OOSP2: variants seen among roughly 807,000 people sequenced by gnomAD.
The protein encoded by OOSP2 is oocyte secreted protein 2.
Under a neutral mutation model 13.4 loss-of-function variants are expected in OOSP2, and 7 were observed. That is an observed-to-expected ratio of 0.52 (90% CI 0.30 to 0.98). The LOEUF (loss-of-function observed/expected upper bound fraction) is 0.98, where lower values mean the gene tolerates loss of function less well. OOSP2 is among the 50% of genes least tolerant of loss of function. OOSP2 has a pLI of 0.07. For missense variants in OOSP2, 184 were observed against 188.5 expected (o/e 0.98, Z 0.14); for synonymous variants, 75 against 67.2 (o/e 1.12, Z -0.57).
chr11:60,046,161 G>A (rs1303701109), intron 3 of OOSP2, among the ~76,000 whole-genome samples: 1 of 149,136 alleles, frequency 6.7e-6, no homozygotes, highest in Non-Finnish European at 1.5e-5. Context: ...TGGTCTCTCT[G>A]TCTCTCGCTC....
At position 60,047,117 on chromosome 11, in the gene OOSP2, G is replaced by A; in HGVS notation, c.*44G>A. 6.5e-7 allele frequency: 1 copy of A among 1,535,542 alleles called. No homozygotes were observed. The highest frequency in any genetic ancestry group is 8.8e-7 in the Non-Finnish European group (1 of 1,133,988). The stretch of plus-strand genomic sequence containing the variant: ...ACTTGAAGCTGGTGTTATGTATTTT[G>A]CAGGAAAACAGTTTCATTTTTTCAT... On this transcript the variant is annotated 3_prime_UTR_variant, in exon 4 of 4. Transcript: ENST00000278855.
intron 1 of OOSP2, 136 bp downstream of exon 1, chr11:60,040,659 T>C (rs1263117202): frequency 1.6e-6 from 1 of 619,654 alleles, no homozygotes. Flanking sequence ...TCAGGCCAAG[T>C]AGACTTGTGT....
In OOSP2 at chr11:60,047,627, TAAATTC is replaced by T. The variant is rs1855024009; in HGVS notation, c.*557_*562del. ...CAACCTATTTAGATTATTCCAGAAT[TAAATTC>T]AATTTATTTTCTAGAGCTCAAGTAA... On this transcript the variant is annotated 3_prime_UTR_variant, in exon 4 of 4. Transcript: ENST00000278855. 2 of 152,174 alleles carry T rather than the reference TAAATTC, an allele frequency of 1.3e-5. No homozygotes were observed. The highest frequency in any genetic ancestry group is 4.8e-5 in the African/African-American group (2 of 41,452). The allele number at this position is 152,174 out of a possible 1,614,324, so 9.4% of individuals were successfully genotyped here. A position where few individuals can be genotyped will look rare whatever the true frequency, so the allele number is the denominator to read the frequency against.
In OOSP2 at chr11:60,044,687, C is replaced by T. The variant is rs1326926759; in HGVS notation, c.260C>T (p.Thr87Ile). ...CTCTCCTAGGTAGTTTCTGAGGAAA[C>T]TCTCCTTTTTCAAACCGAGCTGTAC... Reference protein sequence around the residue: ...GIRTRVVSEETLLFQTELYFT... With the variant: ...GIRTRVVSEEILLFQTELYFT... Residue 87 changes from threonine (T) to isoleucine (I), a missense_variant, in exon 3 of 4, where the codon ACT (threonine) becomes ATT (isoleucine). Physicochemically the swap from Thr to Ile is moderately conservative, Grantham distance 89 (BLOSUM62 -1). Transcript: ENST00000278855. 2.5e-6 allele frequency: 4 copies of T among 1,573,750 alleles called. No individual in the cohort carries two copies. Among genetic ancestry groups the T allele is most frequent in the Admixed American group, 1.7e-5 (1 of 59,534 alleles).
At chr11:60,041,729 T>A (rs1854929811) in intron 1 of OOSP2, among the ~76,000 whole-genome samples, 1 of 150,552 alleles carries the variant, frequency 6.6e-6, no homozygotes. Context: ...TGGGCGCCTG[T>A]AATCCCAGCT....
At chr11:60,046,631 C>A in intron 3 of OOSP2, 2 of 487,068 alleles carry the variant, frequency 4.1e-6, no homozygotes, top group Non-Finnish European at 8.1e-6. Context: ...ATCCATTTGG[C>A]TGAGTCTGTT....
chr11:60,043,465 A>G lies in OOSP2; in HGVS notation c.65-4A>G. The stretch of plus-strand genomic sequence containing the variant: ...TGATGCTTTTCATATGGTTCTTTCC[A>G]CAGTGAAAATAAGTTGCTCTCTGGA... On this transcript the variant is annotated splice_polypyrimidine_tract_variant and splice_region_variant and intron_variant, in intron 1 of 3. Transcript: ENST00000278855. The G allele has an allele frequency of 1.2e-6, 2 of 1,604,432 alleles. No individual in the cohort carries two copies. Among genetic ancestry groups the G allele is most frequent in the Non-Finnish European group, 8.5e-7 (1 of 1,171,638 alleles).
At chr11:60,042,035 C>A (rs1401766879) in intron 1 of OOSP2, among the ~76,000 whole-genome samples, 1 of 151,918 alleles carries the variant, frequency 6.6e-6, no homozygotes. Context: ...AGGAGAATGG[C>A]ATGAACCTGG....
intron 3 of OOSP2, chr11:60,046,697 T>C: frequency 1.7e-6 from 1 of 603,186 alleles, no homozygotes; most frequent in Non-Finnish European, 3.1e-6. Flanking sequence ...TCTAAGACCA[T>C]TCGTCTTTCT....
rs908264276 is a variant in OOSP2, at chr11:60,046,193, G to GTC, written c.348-735_348-734dup. Among the ~76,000 whole-genome samples, 113 of 143,804 alleles carry GTC rather than the reference G, an allele frequency of 7.9e-4. 1 individual carries two copies. The highest frequency in any genetic ancestry group is 1.5e-3 in the Admixed American group (20 of 13,448). The allele number at this position is 143,804 out of a possible 152,430, so 94.3% of individuals were successfully genotyped here. On this transcript the variant is annotated intron_variant, in intron 3 of 3. Transcript: ENST00000278855. Reference sequence around the variant, plus strand: ...GCTCTGCCTCTCTCTCGGTTTCTCTGTCTCTCTCTCTCTCTCTGTCTCTCT... The same window carrying GTC: ...GCTCTGCCTCTCTCTCGGTTTCTCTGTCTCTCTCTCTCTCTCTCTGTCTCTCT...
At position 60,045,366 on chromosome 11, in the gene OOSP2, C is replaced by CT. The variant is rs568222357; in HGVS notation, c.347+605dup. Among the ~76,000 whole-genome samples, 932 of 142,730 alleles carry CT rather than the reference C, an allele frequency of 6.5e-3. 4 individuals are homozygous for CT. The highest frequency in any genetic ancestry group is 0.016 in the South Asian group (71 of 4,454). The allele number at this position is 142,730 out of a possible 152,430, so 93.6% of individuals were successfully genotyped here. On this transcript the variant is annotated intron_variant, in intron 3 of 3. Transcript: ENST00000278855. ...CTAAGTGGAAAGGTATCCTGATACA[C>CT]TTTTTTTTTTTTTGCCATGCCATTG...
At chr11:60,042,539 T>C (rs909495564) in intron 1 of OOSP2, among the ~76,000 whole-genome samples, 2 of 152,300 alleles carry the variant, frequency 1.3e-5, no homozygotes, top group Admixed American at 1.3e-4. Flanking sequence ...ACTCAGTTCC[T>C]CCAAATGAAT....
rs1301985065 is a variant in OOSP2, at chr11:60,047,278, A to T, written c.*205A>T. On this transcript the variant is annotated 3_prime_UTR_variant, in exon 4 of 4. Coordinates refer to ENST00000278855, the MANE Select transcript of OOSP2 (RefSeq NM_173801.5). Reference sequence around the variant, plus strand: ...GTATTCAGTAGGGGTATGGCTGATTAATTTAACATTAACTATTAGGTAATT... The same window carrying T: ...GTATTCAGTAGGGGTATGGCTGATTTATTTAACATTAACTATTAGGTAATT... 2.4e-6 allele frequency: 1 copy of T among 424,136 alleles called. No homozygotes were observed. Among genetic ancestry groups the T allele is most frequent in the Admixed American group, 4.0e-5 (1 of 24,962 alleles). The allele number at this position is 424,136 out of a possible 1,614,324, so 26.3% of individuals were successfully genotyped here. A position where few individuals can be genotyped will look rare whatever the true frequency, so the allele number is the denominator to read the frequency against.
At chr11:60,043,029 C>G (rs1264563694) in intron 1 of OOSP2, among the ~76,000 whole-genome samples, 1 of 151,988 alleles carries the variant, frequency 6.6e-6, no homozygotes, top group African/African-American at 2.4e-5. Flanking sequence ...CTCAGCCTCC[C>G]GAGTAGCTGG....
At chr11:60,042,956 G>C (rs893805988) in intron 1 of OOSP2, among the ~76,000 whole-genome samples, 1 of 151,514 alleles carries the variant, frequency 6.6e-6, no homozygotes, top group African/African-American at 2.4e-5. Flanking sequence ...CCAGGCTGGA[G>C]TGCAGTGGCG....
At chr11:60,040,579 T>C in intron 1 of OOSP2, 56 bp downstream of exon 1, 1 of 983,436 alleles carries the variant, frequency 1.0e-6, no homozygotes, top group Non-Finnish European at 1.6e-6. Context: ...TAATGATCGC[T>C]TTCCATGCAG....
At chr11:60,043,151 G>A (rs767791373) in intron 1 of OOSP2, among the ~76,000 whole-genome samples, 24 of 152,052 alleles carry the variant, frequency 1.6e-4, no homozygotes, top group East Asian at 3.9e-4. Context: ...TAATGCGCCC[G>A]CCTCGGCCTC....
intron 1 of OOSP2, 61 bp from the exon 2 acceptor site, chr11:60,043,408 C>G: frequency 8.9e-7 from 1 of 1,123,452 alleles, no homozygotes; most frequent in South Asian, 1.5e-5. Flanking sequence ...GTTGACTATT[C>G]TTTGAACACT....
rs1054221762 is a variant in OOSP2 at position 60,041,995 on chromosome 11, T to C, written c.64+1472T>C. Among the ~76,000 whole-genome samples the C allele has an allele frequency of 1.7e-3, 256 of 151,818 alleles. 6 individuals are homozygous for C. The highest frequency in any genetic ancestry group is 0.017 in the Admixed American group (252 of 15,242). On this transcript the variant is annotated intron_variant, in intron 1 of 3. Coordinates refer to ENST00000278855, the MANE Select transcript of OOSP2 (RefSeq NM_173801.5). Reference sequence around the variant, plus strand: ...GGCGTGATGGCGGGTGCCTGTAGCCTGTAGTCCCAGCTACTCGGGAGGCTG... The same window carrying C: ...GGCGTGATGGCGGGTGCCTGTAGCCCGTAGTCCCAGCTACTCGGGAGGCTG...
Sources: gnomAD v4.1 joint callset for allele counts (sites outside exome capture counted in the v4.1 genomes callset) on GRCh38, gnomAD v4.1.1 for gene constraint, MANE v1.5 for transcripts, NCBI Gene and HGNC (gene_info 2026-07-23, HGNC 2026-07-21) for gene names.